The following ZEB2 variants were observed in gnomAD, a reference collection of about 807,000 sequenced individuals.
ZEB2 encodes the protein zinc finger E-box-binding homeobox 2.
Under a neutral mutation model 99.9 loss-of-function variants are expected in ZEB2, and 6 were observed. The observed-to-expected ratio is 0.06, with a 90% confidence interval of 0.03 to 0.12. The LOEUF is 0.12. Among genes scored for constraint, ZEB2 ranks in the 10% least tolerant of loss-of-function variants. The probability of loss-of-function intolerance (pLI) is 1.00; values close to 1 mark genes in which losing one functional copy is unlikely to be tolerated. For synonymous variants in ZEB2, 517 were observed against 542.5 expected (o/e 0.95, Z 0.65); for missense variants, 969 against 1,502.8 (o/e 0.64, Z 5.87).
At chr2:144,437,716 G>C (rs1703856477) in intron 2 of ZEB2, among the ~76,000 whole-genome samples, 1 of 152,052 alleles carries the variant, frequency 6.6e-6, no homozygotes, top group Non-Finnish European at 1.5e-5. Context: ...TAAGACCTTG[G>C]AAATAAAACC....
intron 2 of ZEB2, among the ~76,000 whole-genome samples, chr2:144,509,252 G>T (rs558488719): frequency 6.6e-5 from 10 of 152,094 alleles, no homozygotes; most frequent in Non-Finnish European, 1.2e-4. Context: ...CATTATCCCC[G>T]TACCTCACTT....
Position 144,399,240 on chromosome 2 carries a change from G to A in ZEB2, c.1947C>T (p.Ile649=), listed in dbSNP as rs1164610007. Reference sequence around the variant, plus strand: ...CAGACATGTGGTCCTTGTATGGGTTGATGGGGCTTGTCATTCCTTTCTCAG... The same window carrying A: ...CAGACATGTGGTCCTTGTATGGGTTAATGGGGCTTGTCATTCCTTTCTCAG... ...VLSEKGMTSP[I]NPYKDHMSVL... The change falls in exon 8 of 10, where the codon ATC becomes ATT. Residue 649 remains isoleucine, a synonymous_variant. Coordinates refer to ENST00000627532, the MANE Select transcript of ZEB2 (RefSeq NM_014795.4). The surrounding 1 kb of genome is among the most constrained non-coding windows in gnomAD (Gnocchi z 5.6). 2 of 1,614,066 alleles carry A rather than the reference G, an allele frequency of 1.2e-6. No individual in the cohort carries two copies. The highest frequency in any genetic ancestry group is 1.7e-6 in the Non-Finnish European group (2 of 1,180,036).
intron 2 of ZEB2, among the ~76,000 whole-genome samples, chr2:144,479,948 G>C (rs1216698482): frequency 1.3e-5 from 2 of 152,086 alleles, no homozygotes; most frequent in East Asian, 1.9e-4. Flanking sequence ...GCGACTGACT[G>C]GCACCAGACA....
At chr2:144,468,400 G>T (rs895173475) in intron 2 of ZEB2, among the ~76,000 whole-genome samples, 4 of 152,056 alleles carry the variant, frequency 2.6e-5, no homozygotes, top group Non-Finnish European at 5.9e-5. Flanking sequence ...CAAGAATAGT[G>T]GGTGATTTAA....
At chr2:144,467,825 C>T (rs1378490983) in intron 2 of ZEB2, among the ~76,000 whole-genome samples, 1 of 152,164 alleles carries the variant, frequency 6.6e-6, no homozygotes, top group Non-Finnish European at 1.5e-5. Context: ...TCTGAGCCAG[C>T]TTACTCAGTC....
intron 2 of ZEB2, among the ~76,000 whole-genome samples, chr2:144,492,610 C>A (rs559169294): frequency 2.6e-5 from 4 of 152,166 alleles, no homozygotes; most frequent in African/African-American, 9.7e-5. Flanking sequence ...CTTCCGAGCA[C>A]CCACACTGCC....
intron 2 of ZEB2, among the ~76,000 whole-genome samples, chr2:144,467,130 T>C (rs1704282603): frequency 6.6e-6 from 1 of 151,930 alleles, no homozygotes; most frequent in Admixed American, 6.6e-5. Flanking sequence ...CTAATTCTTA[T>C]GTTCAGATGT....
chr2:144,406,218 T>C (rs1366143509), intron 4 of ZEB2, among the ~76,000 whole-genome samples: 5 of 151,910 alleles, frequency 3.3e-5, no homozygotes, highest in East Asian at 1.9e-4. Flanking sequence ...ATGAGGGGAA[T>C]AGAAAGTGGA....
At chr2:144,462,959 C>T (rs1704215903) in intron 2 of ZEB2, 1 of 152,166 alleles carries the variant, frequency 6.6e-6, no homozygotes, top group South Asian at 2.1e-4. Context: ...AGTGTGAAAA[C>T]ATAATATGGG....
intron 2 of ZEB2, 117 bp downstream of exon 2, chr2:144,517,161 A>G (rs1573821421): frequency 2.9e-6 from 4 of 1,362,072 alleles, no homozygotes; most frequent in Admixed American, 1.8e-5. Flanking sequence ...GGCTCGCCCT[A>G]GAGCCCTGGG....
intron 2 of ZEB2, chr2:144,512,772 C>G (rs1705062064): frequency 1.6e-6 from 2 of 1,287,044 alleles, no homozygotes. Context: ...ATAGATCAGC[C>G]TAGATACATA....
intron 2 of ZEB2, among the ~76,000 whole-genome samples, chr2:144,472,179 T>C (rs1317083486): frequency 6.7e-6 from 1 of 150,180 alleles, no homozygotes. Flanking sequence ...AAAGAAGCAT[T>C]TGGTCATGTT....
At chr2:144,408,915 T>G (rs914684868) in intron 4 of ZEB2, among the ~76,000 whole-genome samples, 4 of 150,388 alleles carry the variant, frequency 2.7e-5, no homozygotes, top group African/African-American at 9.9e-5. Context: ...TTTAGGACTT[T>G]GTTCCAGAAA....
At chr2:144,418,672 G>C (rs1304226465) in intron 4 of ZEB2, among the ~76,000 whole-genome samples, 2 of 151,340 alleles carry the variant, frequency 1.3e-5, no homozygotes, top group African/African-American at 4.9e-5. Context: ...CGGGCAAAAA[G>C]AGCGAGACTC....
chr2:144,497,779 AGAT>A (rs1331924380), intron 2 of ZEB2: 1 of 158,434 alleles, frequency 6.3e-6, no homozygotes, highest in Non-Finnish European at 1.5e-5. Context: ...AAGAGTACAG[AGAT>A]GATACTTGGT....
At chr2:144,428,727 C>A (rs956537960) in intron 3 of ZEB2, 1 of 152,100 alleles carries the variant, frequency 6.6e-6, no homozygotes, top group Non-Finnish European at 1.5e-5. Context: ...TTCCAGTATA[C>A]CAAACAATTA....
chr2:144,398,203 G>T, intron 8 of ZEB2, 98 bp downstream of exon 8: 1 of 1,489,770 alleles, frequency 6.7e-7, no homozygotes, highest in Non-Finnish European at 9.1e-7. Context: ...TTCTGTTTCT[G>T]CTGAGTTTTT....
intron 2 of ZEB2, among the ~76,000 whole-genome samples, chr2:144,448,524 C>T (rs1471342117): frequency 6.6e-6 from 1 of 152,180 alleles, no homozygotes; most frequent in Non-Finnish European, 1.5e-5. Flanking sequence ...TCAAACTGTG[C>T]ATGCAAGGTA....
chr2:144,444,606 C>T (rs184186498), intron 2 of ZEB2, among the ~76,000 whole-genome samples: 27 of 152,370 alleles, frequency 1.8e-4, no homozygotes, highest in African/African-American at 5.5e-4. Context: ...TCTGCACTTT[C>T]ATTCAAATGA....
Sources: allele counts gnomAD v4.1 joint callset (sites outside exome capture counted in the v4.1 genomes callset), GRCh38; gene constraint gnomAD v4.1.1; non-coding constraint Gnocchi (gnomAD v3.1); transcripts MANE v1.5; gene names NCBI Gene and HGNC (gene_info 2026-07-23, HGNC 2026-07-21).